The following ARHGAP26 variants were observed in gnomAD, a reference collection of about 807,000 sequenced individuals.
ARHGAP26 encodes the protein Rho GTPase activating protein 26.
In ARHGAP26, 38 loss-of-function variants were observed where a neutral mutation model predicts 104.8. The observed-to-expected ratio is 0.36, with a 90% CI of 0.28 to 0.48. The LOEUF (loss-of-function observed/expected upper bound fraction) is 0.48, where lower values mean the gene tolerates loss of function less well. ARHGAP26 is among the 20% of genes least tolerant of loss of function. ARHGAP26 has a pLI of 0.99. For synonymous variants in ARHGAP26, 341 were observed against 340.0 expected, an observed-to-expected ratio of 1.00 and a Z score of -0.03; for missense variants, 704 against 947.9, an observed-to-expected ratio of 0.74 and a Z score of 3.38.
At chr5:142,833,652 G>C (rs892666259) in intron 1 of ARHGAP26, among the ~76,000 whole-genome samples, 1 of 152,134 alleles carries the variant, frequency 6.6e-6, no homozygotes, top group Non-Finnish European at 1.5e-5. Context: ...ACCTACCGCT[G>C]ATATTTGCGC....
chr5:143,191,790 A>G (rs147941706), intron 20 of ARHGAP26, among the ~76,000 whole-genome samples: 172 of 152,298 alleles, frequency 1.1e-3, no homozygotes, highest in African/African-American at 4.1e-3. Context: ...TTTATGCCCA[A>G]TGTGCCTGTC....
intron 21 of ARHGAP26, chr5:143,207,560 TCCA>T (rs1808765877): frequency 3.3e-6 from 5 of 1,504,070 alleles, no homozygotes; most frequent in Non-Finnish European, 3.6e-6. Flanking sequence ...CTCCTGTGGT[TCCA>T]TCCTAAGAGA....
At chr5:143,156,672 C>T (rs781198158) in intron 20 of ARHGAP26, among the ~76,000 whole-genome samples, 5 of 152,216 alleles carry the variant, frequency 3.3e-5, no homozygotes, top group Non-Finnish European at 7.3e-5. Context: ...TCAGGACTTA[C>T]CTCAGTGTAA....
chr5:143,173,594 C>G (rs1241385352), intron 20 of ARHGAP26, among the ~76,000 whole-genome samples: 1 of 152,190 alleles, frequency 6.6e-6, no homozygotes, highest in Non-Finnish European at 1.5e-5. Context: ...TCCTCACAGT[C>G]ACTTCTGACA....
At chr5:142,885,477 G>A in intron 5 of ARHGAP26, 78 bp downstream of exon 5, 1 of 1,343,708 alleles carries the variant, frequency 7.4e-7, no homozygotes. Context: ...GTTGCTCTTT[G>A]CTAGAAAATC....
chr5:142,824,464 C>T (rs1002795925), intron 1 of ARHGAP26, among the ~76,000 whole-genome samples: 3 of 152,198 alleles, frequency 2.0e-5, no homozygotes, highest in African/African-American at 7.2e-5. Flanking sequence ...GGCAAGGCTG[C>T]AGCCCTAGCA....
intron 16 of ARHGAP26, 38 bp from the exon 17 acceptor site, chr5:143,057,604 G>A (rs1437222289): frequency 6.4e-7 from 1 of 1,552,606 alleles, no homozygotes; most frequent in Non-Finnish European, 8.9e-7. Context: ...GTTTAGCTGT[G>A]ACACTGATAA....
At chr5:143,087,636 C>T (rs200072175) in intron 17 of ARHGAP26, among the ~76,000 whole-genome samples, 1,887 of 51,196 alleles carry the variant, frequency 0.037, no homozygotes, top group South Asian at 0.063. Context: ...CTGGCCCATT[C>T]TTTTTTTTTT....
intron 1 of ARHGAP26, among the ~76,000 whole-genome samples, chr5:142,825,019 T>G (rs568411879): frequency 1.3e-5 from 2 of 152,300 alleles, no homozygotes; most frequent in Admixed American, 6.5e-5. Context: ...AATTATTCAG[T>G]GTCTCCTATA....
chr5:143,053,821 A>G (rs1339531605), intron 14 of ARHGAP26, among the ~76,000 whole-genome samples: 2 of 152,232 alleles, frequency 1.3e-5, no homozygotes, highest in Non-Finnish European at 2.9e-5. Flanking sequence ...TTGTTCATAT[A>G]AAAAGTTCAT....
rs781652051 is a variant in ARHGAP26, at chr5:143,222,438, T to A, written c.2272T>A (p.Phe758Ile). ...CCTCATCCCTGAGAATTACGTGGAG[T>A]TCCTCTAACCGTGGGCCCCAGCAGA... is the stretch of plus-strand genomic sequence containing the variant. ...TGLIPENYVEFL is the reference protein window; with the variant it reads ...TGLIPENYVEIL The change falls in exon 23 of 23, where the codon TTC (phenylalanine) becomes ATC (isoleucine). Residue 758 changes from phenylalanine (F) to isoleucine (I), a missense_variant. Around this residue, in one of 6 missense-constraint regions of ARHGAP26, gnomAD observed 217 missense variants for 242.6 expected, o/e 0.89. Coordinates refer to ENST00000645722, the MANE Select transcript of ARHGAP26 (RefSeq NM_001135608.3). 5 of 1,593,408 alleles carry A rather than the reference T, an allele frequency of 3.1e-6. No homozygotes were observed. In the Admixed American group the frequency reaches 8.4e-5, roughly 27 times the overall value.
At position 143,011,609 on chromosome 5, in the gene ARHGAP26, G is replaced by A. The variant is rs562362258; in HGVS notation, c.1108-2471G>A. On this transcript the variant is annotated intron_variant, in intron 11 of 22. Transcript: ENST00000645722. ...ATGCCCTTCCTCAATAGCCACATGA[G>A]TAAAATGGATAAAAGCCAAGGGAGG... Among the ~76,000 whole-genome samples, 4 of 152,240 alleles carry A rather than the reference G, an allele frequency of 2.6e-5. No homozygotes were observed. The South Asian group carries it at 8.3e-4, about 32-fold the overall frequency.
At chr5:143,166,172 A>C in intron 20 of ARHGAP26, 72 of 1,090,764 alleles carry the variant, frequency 6.6e-5, no homozygotes, top group Non-Finnish European at 7.4e-5. Flanking sequence ...CCCCTAACTC[A>C]TCTAGAACAA....
At chr5:143,057,842 C>G in intron 17 of ARHGAP26, 95 bp downstream of exon 17, 1 of 1,008,770 alleles carries the variant, frequency 9.9e-7, no homozygotes, top group Non-Finnish European at 1.6e-6. Flanking sequence ...GTTTCTCTCT[C>G]CCACTATTGC....
At chr5:142,907,641 A>G in intron 8 of ARHGAP26, 63 bp from the exon 9 acceptor site, 1 of 1,148,078 alleles carries the variant, frequency 8.7e-7, no homozygotes, top group Non-Finnish European at 1.3e-6. Flanking sequence ...TGGTTTTTCC[A>G]GCTCATGATG....
intron 12 of ARHGAP26, among the ~76,000 whole-genome samples, chr5:143,031,428 T>A (rs1447708876): frequency 1.3e-5 from 2 of 152,084 alleles, no homozygotes; most frequent in Non-Finnish European, 2.9e-5. Flanking sequence ...ATGGTGATGA[T>A]GATGATGAAG....
intron 8 of ARHGAP26, among the ~76,000 whole-genome samples, chr5:142,904,660 A>C (rs1235089562): frequency 1.3e-5 from 2 of 152,202 alleles, no homozygotes; most frequent in East Asian, 3.9e-4. Flanking sequence ...AGGCTCTGTG[A>C]TGGGGCCGTG....
intron 5 of ARHGAP26, among the ~76,000 whole-genome samples, chr5:142,887,517 G>A (rs1415230837): frequency 2.0e-5 from 3 of 152,142 alleles, no homozygotes; most frequent in Non-Finnish European, 2.9e-5. Flanking sequence ...CAAATTGGAT[G>A]CCACTATTCC....
intron 1 of ARHGAP26, among the ~76,000 whole-genome samples, chr5:142,826,088 C>T (rs1767202636): frequency 6.6e-6 from 1 of 152,128 alleles, no homozygotes; most frequent in African/African-American, 2.4e-5. Context: ...TTCTGTCTCA[C>T]GAGAGTGTTA....
Sources: gnomAD v4.1 joint callset for allele counts (sites outside exome capture counted in the v4.1 genomes callset) on GRCh38, gnomAD v4.1.1 for gene constraint, gnomAD v4.1.1 regional missense constraint, MANE v1.5 for transcripts, NCBI Gene and HGNC (gene_info 2026-07-23, HGNC 2026-07-21) for gene names.